BRINP3: variants seen among roughly 807,000 people sequenced by gnomAD.
BRINP3 encodes the protein BMP/retinoic acid-inducible neural-specific protein 3.
In BRINP3, 19 loss-of-function variants were observed where a neutral mutation model predicts 71.0. That is an observed-to-expected ratio of 0.27 (90% confidence interval 0.19 to 0.39). The LOEUF (loss-of-function observed/expected upper bound fraction) is 0.39, where lower values mean the gene tolerates loss of function less well. Ranked by LOEUF, BRINP3 falls within the 10% of genes least tolerant of loss-of-function variation. The pLI, the probability that BRINP3 is intolerant of heterozygous loss-of-function variation, is 1.00. For synonymous variants in BRINP3, 380 were observed against 337.7 expected (o/e 1.13, Z -1.37); for missense variants, 959 against 940.8 (o/e 1.02, Z -0.25).
intron 4 of BRINP3, among the ~76,000 whole-genome samples, chr1:190,261,779 T>C (rs911938556): frequency 6.6e-6 from 1 of 152,204 alleles, no homozygotes; most frequent in Non-Finnish European, 1.5e-5. Flanking sequence ...GTGAATCTTG[T>C]TATCCTTAGT....
intron 6 of BRINP3, among the ~76,000 whole-genome samples, chr1:190,196,050 C>G (rs1654449813): frequency 6.6e-6 from 1 of 152,104 alleles, no homozygotes; most frequent in Non-Finnish European, 1.5e-5. Flanking sequence ...AGAAGCTGTC[C>G]TATTTTCTGT....
rs942875342 is a variant in BRINP3 at position 190,258,293 on chromosome 1, C to G, written c.618+6572G>C. On this transcript the variant is annotated intron_variant, in intron 4 of 7. Transcript: ENST00000367462. ...CCGTGGGCATGGGACCTCACTGAGC[C>G]AGGCACGGGATATAATCTGGTGTGT... Among the ~76,000 whole-genome samples the G allele has an allele frequency of 1.6e-4, 25 of 152,282 alleles. 1 individual carries two copies. The highest frequency in any genetic ancestry group is 1.4e-3 in the Admixed American group (22 of 15,298).
At chr1:190,233,206 G>A (rs1024879688) in intron 5 of BRINP3, among the ~76,000 whole-genome samples, 5 of 152,042 alleles carry the variant, frequency 3.3e-5, no homozygotes, top group South Asian at 2.1e-4. Flanking sequence ...AGTGATGTGC[G>A]GTGTGGACAG....
intron 2 of BRINP3, among the ~76,000 whole-genome samples, chr1:190,320,015 CGTGT>C (rs200642622): frequency 6.6e-6 from 1 of 150,720 alleles, no homozygotes; most frequent in Non-Finnish European, 1.5e-5. Context: ...TTGTGATATA[CGTGT>C]GTGTGTGTGT....
intron 6 of BRINP3, among the ~76,000 whole-genome samples, chr1:190,181,945 A>C (rs1653066605): frequency 1.3e-5 from 2 of 152,046 alleles, no homozygotes; most frequent in Non-Finnish European, 2.9e-5. Flanking sequence ...AACCTACTAA[A>C]ATCCATTCAA....
At chr1:190,197,260 T>C (rs1408058887) in intron 6 of BRINP3, among the ~76,000 whole-genome samples, 2 of 152,094 alleles carry the variant, frequency 1.3e-5, no homozygotes, top group Admixed American at 6.6e-5. Context: ...CAATTCAAGA[T>C]GAGATTTGGA....
chr1:190,451,216 A>G (rs1216661993), intron 2 of BRINP3, among the ~76,000 whole-genome samples: 4 of 152,170 alleles, frequency 2.6e-5, no homozygotes, highest in African/African-American at 9.6e-5. Flanking sequence ...TTGAGTCATC[A>G]TATCTGAAGA....
At chr1:190,185,865 T>C (rs1186869161) in intron 6 of BRINP3, among the ~76,000 whole-genome samples, 1 of 152,130 alleles carries the variant, frequency 6.6e-6, no homozygotes, top group Admixed American at 6.6e-5. Context: ...AGTTATTTCT[T>C]TGTGTTGGGA....
Position 190,166,788 on chromosome 1 carries a change from A to T in BRINP3, c.962-5898T>A, listed in dbSNP as rs926963049. On this transcript the variant is annotated intron_variant, in intron 6 of 7. Transcript: ENST00000367462. ...ACTCAGGCTGGAGTCCAGTGGGATG[A>T]TTTCTGCTCACTACAACCTCCACCC... Among the ~76,000 whole-genome samples the T allele has an allele frequency of 3.9e-5, 6 of 151,914 alleles. No individual in the cohort carries two copies. In the South Asian group the frequency reaches 1.3e-3, roughly 32 times the overall value.
At chr1:190,457,460 A>ATAAACAAAAC (rs1553327187) in intron 1 of BRINP3, among the ~76,000 whole-genome samples, 17 of 151,230 alleles carry the variant, frequency 1.1e-4, no homozygotes, top group Non-Finnish European at 1.8e-4. Context: ...ACACAAAAAC[A>ATAAACAAAAC]AAAACAAAAC....
At chr1:190,426,987 T>C (rs1330755277) in intron 2 of BRINP3, among the ~76,000 whole-genome samples, 1 of 151,850 alleles carries the variant, frequency 6.6e-6, no homozygotes, top group Non-Finnish European at 1.5e-5. Context: ...CCACAGATGT[T>C]GAAATTTTTT....
intron 2 of BRINP3, among the ~76,000 whole-genome samples, chr1:190,451,717 G>GTTTTTATTTTATTTTATTTTATTTTATTT (rs1298948525): frequency 1.8e-4 from 28 of 152,010 alleles, no homozygotes; most frequent in African/African-American, 6.5e-4. Context: ...AAACATAAAT[G>GTTTTTATTTTATTTTATTTTATTTTATTT]TAAGTTCTAT....
intron 2 of BRINP3, among the ~76,000 whole-genome samples, chr1:190,404,003 C>T (rs1433583615): frequency 1.3e-5 from 2 of 152,104 alleles, no homozygotes; most frequent in Non-Finnish European, 2.9e-5. Context: ...AGATAATGTA[C>T]CCACCTTATC....
chr1:190,105,064 T>G (rs1265089919), intron 7 of BRINP3, among the ~76,000 whole-genome samples: 1 of 152,100 alleles, frequency 6.6e-6, no homozygotes, highest in African/African-American at 2.4e-5. Flanking sequence ...TAAGCAAGCA[T>G]AAGCTGATTA....
chr1:190,193,623 T>A (rs1448454591), intron 6 of BRINP3, among the ~76,000 whole-genome samples: 4 of 152,084 alleles, frequency 2.6e-5, no homozygotes, highest in African/African-American at 9.7e-5. Context: ...TTAGAAGCCT[T>A]ACTCTTCCCC....
At chr1:190,307,153 T>C (rs1052284485) in intron 2 of BRINP3, among the ~76,000 whole-genome samples, 4 of 151,204 alleles carry the variant, frequency 2.6e-5, no homozygotes, top group Non-Finnish European at 4.4e-5. Context: ...AGTTAAAGAG[T>C]AATAATTAGG....
At chr1:190,383,225 C>T (rs1670664659) in intron 2 of BRINP3, among the ~76,000 whole-genome samples, 3 of 151,956 alleles carry the variant, frequency 2.0e-5, no homozygotes, top group African/African-American at 7.3e-5. Context: ...TTCAGAAGAA[C>T]TTAATTTTCT....
intron 6 of BRINP3, among the ~76,000 whole-genome samples, chr1:190,170,871 C>T (rs550257373): frequency 6.6e-5 from 10 of 152,240 alleles, no homozygotes; most frequent in African/African-American, 2.2e-4. Flanking sequence ...AAGTCTTAAG[C>T]ATTTTTATAG....
intron 4 of BRINP3, among the ~76,000 whole-genome samples, chr1:190,246,340 T>C (rs1408409898): frequency 6.6e-6 from 1 of 151,926 alleles, no homozygotes; most frequent in Admixed American, 6.6e-5. Context: ...CATGAAGCTT[T>C]AATTGGCATC....
Sources: gnomAD v4.1 joint callset for allele counts (sites outside exome capture counted in the v4.1 genomes callset) on GRCh38, gnomAD v4.1.1 for gene constraint, MANE v1.5 for transcripts, NCBI Gene and HGNC (gene_info 2026-07-23, HGNC 2026-07-21) for gene names.